The following ANO10 variants were observed in gnomAD, a reference collection of about 807,000 sequenced individuals.
ANO10 encodes anoctamin 10.
ANO10 carries 77 observed loss-of-function variants against 74.7 expected under a neutral mutation model. The ratio of observed to expected loss-of-function variants is 1.03; its 90% CI spans 0.86 to 1.25. The LOEUF is 1.25. Ranked by LOEUF, ANO10 falls within the 50% of genes most tolerant of loss-of-function variation. The pLI, the probability that ANO10 is intolerant of heterozygous loss-of-function variation, is 0.00. For synonymous variants in ANO10, 279 were observed against 284.9 expected, an observed-to-expected ratio of 0.98 and a Z score of 0.21; for missense variants, 721 against 778.1, an observed-to-expected ratio of 0.93 and a Z score of 0.87.
chr3:43,619,255 C>A (rs2083269773), intron 1 of ANO10, among the ~76,000 whole-genome samples: 1 of 152,138 alleles, frequency 6.6e-6, no homozygotes, highest in Admixed American at 6.5e-5. Context: ...ACCAGGTCAT[C>A]CTGTTTAGGA....
chr3:43,505,947 T>C lies in ANO10; in HGVS notation c.1797+43773A>G, dbSNP rs138007991. 3.8e-3 allele frequency among the ~76,000 whole-genome samples: 580 copies of C among 152,304 alleles called. 1 individual carries two copies. The highest frequency in any genetic ancestry group is 0.013 in the African/African-American group (541 of 41,570). ...TGTTTCTCGGAACAGCTAAAAATGA[T>C]AAAGGATTTAAGATGTAAATTATTA... is the stretch of plus-strand genomic sequence containing the variant. On this transcript the variant is annotated intron_variant, in intron 11 of 12. Coordinates refer to ENST00000292246, the MANE Select transcript of ANO10 (RefSeq NM_018075.5).
intron 11 of ANO10, among the ~76,000 whole-genome samples, chr3:43,546,816 G>T (rs1310826248): frequency 3.3e-5 from 5 of 152,056 alleles, no homozygotes; most frequent in Admixed American, 6.6e-5. Context: ...AAATACAAAA[G>T]ACCCAAGATT....
rs117718212 is a variant in ANO10 at position 43,476,900 on chromosome 3, T to C, written c.1798-44173A>G. On this transcript the variant is annotated intron_variant, in intron 11 of 12. Transcript: ENST00000292246. ...AATCAATAAGCAATTTGCCGATCAA[T>C]AAGTAATTTCCCTGTACTATTCAAT... Among the ~76,000 whole-genome samples the C allele has an allele frequency of 2.8e-3, 426 of 152,316 alleles. 7 individuals carry two copies. The East Asian group carries it at 0.043, about 16-fold the overall frequency.
chr3:43,552,701 T>G (rs1042859748), intron 10 of ANO10, among the ~76,000 whole-genome samples: 6 of 22,910 alleles, frequency 2.6e-4, no homozygotes, highest in African/African-American at 7.1e-4. Flanking sequence ...TCTCTGGATA[T>G]ATATATATAT....
At chr3:43,491,466 A>G (rs1190177957) in intron 11 of ANO10, among the ~76,000 whole-genome samples, 1 of 152,130 alleles carries the variant, frequency 6.6e-6, no homozygotes, top group Non-Finnish European at 1.5e-5. Context: ...GTGAGCCAAG[A>G]TTGCGCCATT....
At chr3:43,470,136 C>T (rs947395615) in intron 11 of ANO10, among the ~76,000 whole-genome samples, 2 of 152,122 alleles carry the variant, frequency 1.3e-5, no homozygotes, top group African/African-American at 4.8e-5. Context: ...TATATAATGA[C>T]ATATTACTCA....
intron 1 of ANO10, among the ~76,000 whole-genome samples, chr3:43,627,478 CAAG>C (rs1450937311): frequency 6.6e-6 from 1 of 152,216 alleles, no homozygotes; most frequent in Non-Finnish European, 1.5e-5. Flanking sequence ...TGAGTTTGAT[CAAG>C]AAGCTGCCAC....
At chr3:43,487,874 C>G (rs1470401472) in intron 11 of ANO10, among the ~76,000 whole-genome samples, 2 of 151,694 alleles carry the variant, frequency 1.3e-5, no homozygotes, top group African/African-American at 4.8e-5. Flanking sequence ...AATCCTAAGC[C>G]AAAAGAACAA....
intron 11 of ANO10, among the ~76,000 whole-genome samples, chr3:43,546,844 A>AG (rs1422125931): frequency 6.6e-6 from 1 of 152,150 alleles, no homozygotes; most frequent in Non-Finnish European, 1.5e-5. Context: ...AAATCCCAGG[A>AG]GAAGAGAGAG....
At chr3:43,387,807 G>A (rs1262190758) in intron 12 of ANO10, among the ~76,000 whole-genome samples, 1 of 152,126 alleles carries the variant, frequency 6.6e-6, no homozygotes, top group African/African-American at 2.4e-5. Flanking sequence ...TGATGGTTTG[G>A]TGCACCTGCC....
At chr3:43,367,597 G>A (rs1412510310) in intron 12 of ANO10, among the ~76,000 whole-genome samples, 4 of 152,022 alleles carry the variant, frequency 2.6e-5, no homozygotes, top group Non-Finnish European at 5.9e-5. Flanking sequence ...CAAGATAGAG[G>A]TGCCCTCCTC....
At chr3:43,491,599 A>G (rs1244609248) in intron 11 of ANO10, among the ~76,000 whole-genome samples, 4 of 152,064 alleles carry the variant, frequency 2.6e-5, no homozygotes, top group African/African-American at 9.7e-5. Flanking sequence ...CTCTTCCACC[A>G]AGTGTACTGT....
At chr3:43,537,253 T>C (rs1289005898) in intron 11 of ANO10, among the ~76,000 whole-genome samples, 3 of 152,128 alleles carry the variant, frequency 2.0e-5, no homozygotes, top group Non-Finnish European at 4.4e-5. Flanking sequence ...GAGCTCCTCT[T>C]TCCTTGGGTT....
rs746979388 is a variant in ANO10 at position 43,565,681 on chromosome 3, AC to A, written c.1264del (p.Val422SerfsTer2). ...CFASLFYIAF[V>X]LKDMKLLRQS... ...GCGCAAAAGCTTCATATCTTTCAAG[AC>A]AAAGGCAATATAGAAGAGTGAGGCA... On this transcript the variant is annotated frameshift_variant, in exon 8 of 13. Transcript: ENST00000292246. LOFTEE classifies it high-confidence loss of function. The A allele has an allele frequency of 6.3e-7, 1 of 1,582,416 alleles. No homozygotes were observed. The highest frequency in any genetic ancestry group is 1.2e-5 in the South Asian group (1 of 86,122).
At chr3:43,663,462 TC>T (rs1575584673) in intron 1 of ANO10, among the ~76,000 whole-genome samples, 2 of 152,126 alleles carry the variant, frequency 1.3e-5, no homozygotes, top group African/African-American at 4.8e-5. Context: ...CTGGAAGCAT[TC>T]CCTTTGAAAA....
At chr3:43,543,132 CCTCT>C (rs1304773648) in intron 11 of ANO10, among the ~76,000 whole-genome samples, 4 of 152,026 alleles carry the variant, frequency 2.6e-5, no homozygotes, top group Admixed American at 6.5e-5. Context: ...CTCTTCTCTC[CCTCT>C]GTTTCTCTCT....
intron 1 of ANO10, chr3:43,690,997 C>G (rs961047492): frequency 1.3e-6 from 2 of 1,572,112 alleles, no homozygotes; most frequent in Admixed American, 3.6e-5. Context: ...GCGGCTATGG[C>G]GGCGGAGGAG....
At chr3:43,371,033 C>A (rs2091591956) in intron 12 of ANO10, among the ~76,000 whole-genome samples, 1 of 152,194 alleles carries the variant, frequency 6.6e-6, no homozygotes, top group Non-Finnish European at 1.5e-5. Context: ...AGCAGAGACT[C>A]CTTCTGGCTG....
In ANO10 at chr3:43,576,816, T is replaced by C. The variant is rs959496061; in HGVS notation, c.1038A>G (p.Leu346=). The C allele has an allele frequency of 1.9e-6, 3 of 1,614,082 alleles. No homozygotes were observed. In the East Asian group the frequency reaches 6.7e-5, roughly 36 times the overall value. The change falls in exon 6 of 13, where the codon CTA becomes CTG. Residue 346 remains leucine, a synonymous_variant. Coordinates refer to ENST00000292246, the MANE Select transcript of ANO10 (RefSeq NM_018075.5). The part of the protein sequence containing the change: ...YFDMEVWALG[L]HENSGSEWTS... ...TCCACTCAGACCCGCTGTTCTCATG[T>C]AGACCCAAGGCCCAAACCTCCATGT...
Sources: gnomAD v4.1 joint callset for allele counts (sites outside exome capture counted in the v4.1 genomes callset) on GRCh38, gnomAD v4.1.1 for gene constraint, MANE v1.5 for transcripts, NCBI Gene and HGNC (gene_info 2026-07-23, HGNC 2026-07-21) for gene names.